Variants in GIMAP2 observed in about 807,000 individuals in gnomAD.
The protein encoded by GIMAP2 is GTPase IMAP family member 2.
A neutral mutation model predicts 25.5 loss-of-function variants in GIMAP2; 22 were observed. The ratio of observed to expected loss-of-function variants is 0.86; its 90% CI spans 0.62 to 1.23. The LOEUF (loss-of-function observed/expected upper bound fraction) is 1.23. Among genes scored for constraint, GIMAP2 ranks in the 50% most tolerant of loss-of-function variants. The pLI is 0.00. For missense variants in GIMAP2, 422 were observed against 395.7 expected (o/e 1.07, Z -0.56); for synonymous variants, 167 against 143.0 (o/e 1.17, Z -1.20).
In GIMAP2 at chr7:150,692,365, C is replaced by T; in HGVS notation, c.79C>T (p.Leu27=). The T allele has an allele frequency of 6.2e-7, 1 of 1,614,136 alleles. No individual in the cohort carries two copies. Among genetic ancestry groups the T allele is most frequent in the South Asian group, 1.1e-5 (1 of 91,078 alleles). Residue 27 remains leucine (L), a synonymous_variant, in exon 3 of 3, where the codon CTG becomes TTG. Transcript: ENST00000223293. ...CASRSELRII[L]VGKTGTGKSA... is the part of the protein sequence containing the mutation. ...CAGCAGATCTGAGCTGAGAATCATC[C>T]TGGTGGGCAAAACAGGAACTGGCAA...
At chr7:150,689,438 A>C (rs1796940905) in intron 2 of GIMAP2, 1 of 695,818 alleles carries the variant, frequency 1.4e-6, no homozygotes, top group Non-Finnish European at 2.6e-6. Flanking sequence ...CCAGCAACTC[A>C]GGACTCCCAC....
intron 2 of GIMAP2, among the ~76,000 whole-genome samples, chr7:150,688,464 T>C (rs945245140): frequency 6.6e-6 from 1 of 152,198 alleles, no homozygotes; most frequent in Non-Finnish European, 1.5e-5. Context: ...TCTCAGGCAG[T>C]TGCCTTTCTG....
chr7:150,691,099 TC>T (rs909258789), intron 2 of GIMAP2, among the ~76,000 whole-genome samples: 1 of 152,216 alleles, frequency 6.6e-6, no homozygotes, highest in Non-Finnish European at 1.5e-5. Context: ...GTATTCCGTT[TC>T]ACTCATATAG....
In GIMAP2 at chr7:150,692,770, G is replaced by C; in HGVS notation, c.484G>C (p.Asp162His). The change falls in exon 3 of 3, where the codon GAC becomes CAC. Residue 162 changes from aspartate (D) to histidine (H), a missense_variant. Asp to His is a moderately conservative substitution (Grantham distance 81). Transcript: ENST00000223293. ...TGGCTCCCTGATGGATTACATGCACGACTCAGATAACAAAGCCCTAAGCAA... is the reference window on the plus strand; with the variant it reads ...TGGCTCCCTGATGGATTACATGCACCACTCAGATAACAAAGCCCTAAGCAA... ...NGGSLMDYMH[D>H]SDNKALSKLV... 6.2e-7 allele frequency: 1 copy of C among 1,614,182 alleles called. No individual in the cohort carries two copies. Among genetic ancestry groups the C allele is most frequent in the Non-Finnish European group, 8.5e-7 (1 of 1,180,042 alleles).
chr7:150,689,762 A>C, intron 2 of GIMAP2: 1 of 514,470 alleles, frequency 1.9e-6, no homozygotes. Flanking sequence ...GCAGCATGGC[A>C]AAGCACTAAT....
chr7:150,686,486 C>T (rs973041609), intron 1 of GIMAP2, among the ~76,000 whole-genome samples: 4 of 151,970 alleles, frequency 2.6e-5, no homozygotes, highest in African/African-American at 7.3e-5. Flanking sequence ...TGTGAGAGGA[C>T]GGGAGGAAGA....
In GIMAP2 at chr7:150,693,167, T is replaced by A; in HGVS notation, c.881T>A (p.Met294Lys). 1 of 1,613,296 alleles carries A rather than the reference T, an allele frequency of 6.2e-7. No homozygotes were observed. The change falls in exon 3 of 3, where the codon ATG becomes AAG. Residue 294 changes from methionine (M) to lysine (K), a missense_variant. Coordinates refer to ENST00000223293, the MANE Select transcript of GIMAP2 (RefSeq NM_015660.3). ...CTGTGGCTTTGCATACTGCACAGCA[T>A]GTGCAATTTGTTTTGTTGCTTACTC... Reference protein sequence around the residue: ...IILWLCILHSMCNLFCCLLFS... With the variant: ...IILWLCILHSKCNLFCCLLFS...
intron 1 of GIMAP2, among the ~76,000 whole-genome samples, 169 bp downstream of exon 1, chr7:150,685,954 A>G (rs1219520810): frequency 6.6e-6 from 1 of 152,210 alleles, no homozygotes; most frequent in East Asian, 1.9e-4. Flanking sequence ...GATGTAATTT[A>G]CTTTACACAT....
In GIMAP2 at chr7:150,691,172, C is replaced by G. The variant is rs1478233554; in HGVS notation, c.29-1143C>G. ...GGTTAACCCTCAAGAGCCAGAGTCA[C>G]CCTTGCCTTGCAAGTTAAATCACTC... On this transcript the variant is annotated intron_variant, in intron 2 of 2. Transcript: ENST00000223293. Among the ~76,000 whole-genome samples the G allele has an allele frequency of 5.3e-5, 8 of 152,208 alleles. No homozygotes were observed. The East Asian group carries it at 1.5e-3, about 29-fold the overall frequency.
rs1796979499 is a variant in GIMAP2, at chr7:150,692,588, T to C, written c.302T>C (p.Leu101Pro). 2 of 1,613,898 alleles carry C rather than the reference T, an allele frequency of 1.2e-6. No individual in the cohort carries two copies. Among genetic ancestry groups the C allele is most frequent in the East Asian group, 2.2e-5 (1 of 44,882 alleles). Residue 101 changes from leucine to proline, a missense_variant, in exon 3 of 3, where the codon CTG (leucine) becomes CCG (proline). Coordinates refer to ENST00000223293, the MANE Select transcript of GIMAP2 (RefSeq NM_015660.3). ...AAAGAGGTGCAGAGGTGCTACTTGC[T>C]GTCTGCACCAGGACCCCATGTGCTG... ...LYKEVQRCYL[L>P]SAPGPHVLLL...
chr7:150,687,014 GA>G (rs1364648046), intron 1 of GIMAP2, 37 bp from the exon 2 acceptor site: 33 of 1,334,420 alleles, frequency 2.5e-5, no homozygotes, highest in Non-Finnish European at 3.0e-5. Context: ...TCATGATTTA[GA>G]ACTGAAAAAT....
At chr7:150,689,528 G>A in intron 2 of GIMAP2, 2 of 703,132 alleles carry the variant, frequency 2.8e-6, no homozygotes, top group Non-Finnish European at 5.2e-6. Context: ...CTGCCTCTAA[G>A]CAAGCTCCAG....
chr7:150,689,485 A>G (rs2116504078), intron 2 of GIMAP2: 2 of 702,880 alleles, frequency 2.8e-6, no homozygotes, highest in Non-Finnish European at 5.2e-6. Flanking sequence ...TTCTGTTTTC[A>G]TAGGCGAGAG....
In GIMAP2 at chr7:150,692,460, T is replaced by A; in HGVS notation, c.174T>A (p.Thr58=). ...FESKLGSQTL[T]KTCSKSQGSW... ...CGAAGCTGGGTTCCCAGACCTTGAC[T>A]AAGACTTGCAGCAAAAGTCAGGGAA... The change falls in exon 3 of 3, where the codon ACT becomes ACA. Residue 58 remains threonine (T), a synonymous_variant. Transcript: ENST00000223293. 6.2e-7 allele frequency: 1 copy of A among 1,614,168 alleles called. No homozygotes were observed. Among genetic ancestry groups the A allele is most frequent in the South Asian group, 1.1e-5 (1 of 91,082 alleles).
rs1313688850 is a variant in GIMAP2, at chr7:150,692,458, A to C, written c.172A>C (p.Thr58Pro). 2 of 1,614,092 alleles carry C rather than the reference A, an allele frequency of 1.2e-6. No individual in the cohort carries two copies. The highest frequency in any genetic ancestry group is 2.7e-5 in the African/African-American group (2 of 74,932). Reference protein sequence around the residue: ...FESKLGSQTLTKTCSKSQGSW... With the variant: ...FESKLGSQTLPKTCSKSQGSW... ...ATCGAAGCTGGGTTCCCAGACCTTG[A>C]CTAAGACTTGCAGCAAAAGTCAGGG... Residue 58 changes from threonine (T) to proline (P), a missense_variant, in exon 3 of 3, where the codon ACT becomes CCT. Physicochemically the swap from Thr to Pro is conservative, Grantham distance 38. Coordinates refer to ENST00000223293, the MANE Select transcript of GIMAP2 (RefSeq NM_015660.3).
intron 2 of GIMAP2, among the ~76,000 whole-genome samples, chr7:150,691,410 A>G (rs1796964454): frequency 6.6e-6 from 1 of 152,338 alleles, no homozygotes; most frequent in Admixed American, 6.5e-5. Flanking sequence ...CCCACGTTGA[A>G]GGGAAATGGG....
chr7:150,691,498 G>T (rs1796965093), intron 2 of GIMAP2, among the ~76,000 whole-genome samples: 1 of 152,136 alleles, frequency 6.6e-6, no homozygotes, highest in South Asian at 2.1e-4. Context: ...GCAAAATTAT[G>T]ATATCCTTTA....
chr7:150,690,084 T>C (rs1374660299), intron 2 of GIMAP2, among the ~76,000 whole-genome samples: 1 of 152,218 alleles, frequency 6.6e-6, no homozygotes, highest in Non-Finnish European at 1.5e-5. Flanking sequence ...GGAAGAACTA[T>C]AAATACATGC....
chr7:150,692,369 TG>T lies in GIMAP2; in HGVS notation c.86del (p.Gly29AlafsTer29). Reference protein sequence around the residue: ...ASRSELRIILVGKTGTGKSAA... With the variant: ...ASRSELRIILXGKTGTGKSAA... ...AGATCTGAGCTGAGAATCATCCTGG[TG>T]GGCAAAACAGGAACTGGCAAAAGTG... On this transcript the variant is annotated frameshift_variant, in exon 3 of 3. Transcript: ENST00000223293. LOFTEE classifies it high-confidence loss of function. The T allele has an allele frequency of 6.2e-7, 1 of 1,614,116 alleles. No homozygotes were observed. The highest frequency in any genetic ancestry group is 8.5e-7 in the Non-Finnish European group (1 of 1,179,998).
Sources: gnomAD v4.1 joint callset for allele counts (sites outside exome capture counted in the v4.1 genomes callset) on GRCh38, gnomAD v4.1.1 for gene constraint, MANE v1.5 for transcripts, NCBI Gene and HGNC (gene_info 2026-07-23, HGNC 2026-07-21) for gene names.